Variants in TFEC observed in about 807,000 individuals in gnomAD.
The protein encoded by TFEC is transcription factor EC, also known as class E basic helix-loop-helix protein 34.
TFEC carries 31 observed loss-of-function variants against 41.6 expected under a neutral mutation model. That is an observed-to-expected ratio of 0.74 (90% CI 0.56 to 1.01). TFEC has a LOEUF of 1.01. Ranked by LOEUF, TFEC falls within the 50% of genes least tolerant of loss-of-function variation. The probability of loss-of-function intolerance (pLI) is 0.00; values close to 1 mark genes in which losing one functional copy is unlikely to be tolerated. For synonymous variants in TFEC, 143 were observed against 140.6 expected, an observed-to-expected ratio of 1.02 and a Z score of -0.12; for missense variants, 402 against 404.1, an observed-to-expected ratio of 0.99 and a Z score of 0.04.
At chr7:116,138,330 A>T (rs1271769397) in intron 1 of TFEC, among the ~76,000 whole-genome samples, 2 of 152,282 alleles carry the variant, frequency 1.3e-5, no homozygotes, top group East Asian at 3.9e-4. Flanking sequence ...ATTATCTGAA[A>T]GTTAGGATCC....
intron 3 of TFEC, among the ~76,000 whole-genome samples, chr7:116,095,230 ACT>A (rs1797423423): frequency 6.6e-6 from 1 of 152,122 alleles, no homozygotes; most frequent in Non-Finnish European, 1.5e-5. Context: ...TTTTGCCTTA[ACT>A]CACCTTAAAT....
intron 3 of TFEC, among the ~76,000 whole-genome samples, chr7:116,045,049 T>C (rs368990815): frequency 6.6e-6 from 1 of 152,288 alleles, no homozygotes; most frequent in East Asian, 1.9e-4. Context: ...GCTGAAAAGA[T>C]ACCCGAAAAT....
At chr7:115,992,927 C>G (rs1319523288) in intron 1 of TFEC, among the ~76,000 whole-genome samples, 1 of 152,186 alleles carries the variant, frequency 6.6e-6, no homozygotes, top group African/African-American at 2.4e-5. Context: ...ATCAATATCC[C>G]TGATTAACAT....
intron 3 of TFEC, among the ~76,000 whole-genome samples, chr7:116,048,412 A>T (rs912994976): frequency 4.6e-5 from 7 of 152,262 alleles, no homozygotes; most frequent in Non-Finnish European, 1.0e-4. Context: ...GAAATGAAGC[A>T]ACAAGAGAAG....
At chr7:115,990,421 TAAC>T (rs956729088) in intron 1 of TFEC, among the ~76,000 whole-genome samples, 1 of 151,888 alleles carries the variant, frequency 6.6e-6, no homozygotes, top group Non-Finnish European at 1.5e-5. Context: ...AGATCGGTAA[TAAC>T]AAACTTCCCT....
intron 3 of TFEC, among the ~76,000 whole-genome samples, chr7:116,076,534 A>G (rs1796964301): frequency 6.6e-6 from 1 of 152,082 alleles, no homozygotes; most frequent in African/African-American, 2.4e-5. Context: ...ATGATACAGG[A>G]TATGAAGGGA....
intron 3 of TFEC, among the ~76,000 whole-genome samples, chr7:116,098,699 G>A (rs1325978400): frequency 6.6e-6 from 1 of 152,054 alleles, no homozygotes; most frequent in Admixed American, 6.6e-5. Context: ...AGGCCCAGAT[G>A]ACCAAACATT....
In TFEC at chr7:116,150,596, T is replaced by C. The variant is rs545721399; in HGVS notation, c.-69+9194A>G. ...AGTCACACGGTTATATATCACATGG[T>C]TGGGGATATTAAGGAAAAACAACAG... On this transcript the variant is annotated intron_variant, in intron 1 of 8. Transcript: ENST00000484212. Among the ~76,000 whole-genome samples, 9 of 151,858 alleles carry C rather than the reference T, an allele frequency of 5.9e-5. No individual in the cohort carries two copies. The South Asian group carries it at 1.9e-3, about 32-fold the overall frequency.
chr7:116,074,774 T>C (rs990939113), intron 3 of TFEC, among the ~76,000 whole-genome samples: 2 of 152,174 alleles, frequency 1.3e-5, no homozygotes, highest in Non-Finnish European at 2.9e-5. Context: ...TATATAGATA[T>C]GTCTCAAAAT....
chr7:116,101,769 C>T (rs1797611006), intron 3 of TFEC, among the ~76,000 whole-genome samples: 2 of 152,220 alleles, frequency 1.3e-5, no homozygotes, highest in South Asian at 2.1e-4. Flanking sequence ...TTAGAAAATG[C>T]TTGACGGCAT....
At chr7:115,994,310 A>T (rs1219521333) in intron 1 of TFEC, among the ~76,000 whole-genome samples, 2 of 152,102 alleles carry the variant, frequency 1.3e-5, no homozygotes, top group African/African-American at 2.4e-5. Context: ...GGACTTCATG[A>T]CTAAAACACC....
intron 5 of TFEC, among the ~76,000 whole-genome samples, chr7:115,951,884 A>G (rs1027854393): frequency 6.6e-6 from 1 of 152,114 alleles, no homozygotes; most frequent in African/African-American, 2.4e-5. Context: ...CTTCTCTAAG[A>G]GCAGTCTTCT....
At chr7:115,961,378 C>A (rs755168769) in intron 3 of TFEC, among the ~76,000 whole-genome samples, 5 of 151,328 alleles carry the variant, frequency 3.3e-5, no homozygotes, top group African/African-American at 4.8e-5. Context: ...AGATAAAACA[C>A]ATGTAAAAAT....
chr7:115,942,635 C>T (rs993661213), intron 6 of TFEC, among the ~76,000 whole-genome samples: 4 of 151,852 alleles, frequency 2.6e-5, no homozygotes, highest in Admixed American at 1.3e-4. Context: ...CAAACATCAT[C>T]AAAACTTTTT....
chr7:116,081,576 A>T (rs1797091437), intron 3 of TFEC, among the ~76,000 whole-genome samples: 1 of 152,008 alleles, frequency 6.6e-6, no homozygotes, highest in Non-Finnish European at 1.5e-5. Flanking sequence ...TGCCGCTGGT[A>T]ACTGCTCTCT....
intron 7 of TFEC, 93 bp downstream of exon 7, chr7:115,941,800 T>C: frequency 6.8e-7 from 1 of 1,477,444 alleles, no homozygotes; most frequent in Non-Finnish European, 9.1e-7. Flanking sequence ...TAATTGTTAA[T>C]AAGAGAAAAA....
chr7:116,001,251 G>GA (rs1453460801), intron 1 of TFEC, among the ~76,000 whole-genome samples: 11 of 152,120 alleles, frequency 7.2e-5, no homozygotes, highest in African/African-American at 2.7e-4. Context: ...TTCGTATACA[G>GA]AAAAACAAAT....
At chr7:116,122,017 G>A (rs1798117997) in intron 1 of TFEC, among the ~76,000 whole-genome samples, 1 of 151,976 alleles carries the variant, frequency 6.6e-6, no homozygotes, top group East Asian at 2.0e-4. Flanking sequence ...TAGGTGCCCA[G>A]AATTTCTTCT....
intron 3 of TFEC, among the ~76,000 whole-genome samples, chr7:116,036,218 A>C (rs552906092): frequency 6.6e-6 from 1 of 152,198 alleles, no homozygotes; most frequent in Admixed American, 6.6e-5. Flanking sequence ...TAGTTTTATC[A>C]CACTGAAAAT....
Sources: allele counts gnomAD v4.1 joint callset (sites outside exome capture counted in the v4.1 genomes callset), GRCh38; gene constraint gnomAD v4.1.1; transcripts MANE v1.5; gene names NCBI Gene and HGNC (gene_info 2026-07-23, HGNC 2026-07-21).